EPHA6: variants seen among roughly 807,000 people sequenced by gnomAD.
EPHA6 encodes ephrin type-A receptor 6.
EPHA6 carries 50 observed loss-of-function variants against 112.0 expected under a neutral mutation model. The observed-to-expected ratio is 0.45, with a 90% CI of 0.36 to 0.56. The LOEUF (loss-of-function observed/expected upper bound fraction) is 0.56. Ranked by LOEUF, EPHA6 falls within the 20% of genes least tolerant of loss-of-function variation. The probability of loss-of-function intolerance (pLI) is 0.00; values close to 1 mark genes in which losing one functional copy is unlikely to be tolerated. For missense variants in EPHA6, 1,280 were observed against 1,417.4 expected (o/e 0.90, Z 1.56); for synonymous variants, 529 against 490.7 (o/e 1.08, Z -1.03).
chr3:97,102,008 G>T (rs999663069), intron 3 of EPHA6, among the ~76,000 whole-genome samples: 1 of 151,932 alleles, frequency 6.6e-6, no homozygotes, highest in African/African-American at 2.4e-5. Flanking sequence ...CAACTTACTC[G>T]ATCAGTGAAA....
chr3:97,253,110 CAA>C (rs1182570491), intron 5 of EPHA6, among the ~76,000 whole-genome samples: 4 of 151,948 alleles, frequency 2.6e-5, no homozygotes, highest in Non-Finnish European at 5.9e-5. Flanking sequence ...TGAAAAAAAA[CAA>C]AATTAAATAT....
intron 13 of EPHA6, among the ~76,000 whole-genome samples, chr3:97,623,343 C>T (rs1421379446): frequency 6.6e-6 from 1 of 151,750 alleles, no homozygotes; most frequent in Non-Finnish European, 1.5e-5. Flanking sequence ...TTCCTAGCAT[C>T]ATTTATTGAA....
At chr3:97,624,078 G>A (rs765626865) in intron 13 of EPHA6, among the ~76,000 whole-genome samples, 53 of 151,730 alleles carry the variant, frequency 3.5e-4, no homozygotes, top group Non-Finnish European at 6.2e-4. Flanking sequence ...ATGTTGAATC[G>A]AAGTTGTGAA....
At chr3:97,221,693 T>C (rs2078205675) in intron 3 of EPHA6, among the ~76,000 whole-genome samples, 1 of 152,170 alleles carries the variant, frequency 6.6e-6, no homozygotes, top group Non-Finnish European at 1.5e-5. Flanking sequence ...TGTTCGGTAT[T>C]AGCATTCACC....
intron 1 of EPHA6, among the ~76,000 whole-genome samples, chr3:96,853,635 A>G (rs1317191573): frequency 1.3e-5 from 2 of 152,064 alleles, no homozygotes; most frequent in Non-Finnish European, 2.9e-5. Flanking sequence ...AAGAAAACTA[A>G]TATGAATACA....
chr3:97,684,045 C>T (rs777000613), intron 14 of EPHA6, among the ~76,000 whole-genome samples: 10 of 152,054 alleles, frequency 6.6e-5, no homozygotes, highest in Non-Finnish European at 1.3e-4. Context: ...GGTGAATGTT[C>T]ATTAGATGGA....
At chr3:97,084,012 A>G (rs2046807023) in intron 3 of EPHA6, among the ~76,000 whole-genome samples, 1 of 150,008 alleles carries the variant, frequency 6.7e-6, no homozygotes, top group South Asian at 2.1e-4. Context: ...TGCATGTCAA[A>G]CCCTTAAAAT....
chr3:97,625,070 T>C (rs1275995201), intron 13 of EPHA6, among the ~76,000 whole-genome samples: 1 of 151,552 alleles, frequency 6.6e-6, no homozygotes, highest in Non-Finnish European at 1.5e-5. Context: ...AATATTTATT[T>C]CCTTATTTTT....
At chr3:96,906,160 T>A (rs549166961) in intron 2 of EPHA6, among the ~76,000 whole-genome samples, 2 of 152,206 alleles carry the variant, frequency 1.3e-5, no homozygotes, top group East Asian at 3.9e-4. Flanking sequence ...CCATATTCTT[T>A]TATCAAGAAA....
chr3:97,124,121 A>G (rs2048116969), intron 3 of EPHA6, among the ~76,000 whole-genome samples: 1 of 152,142 alleles, frequency 6.6e-6, no homozygotes, highest in South Asian at 2.1e-4. Flanking sequence ...GGAAGCAAGG[A>G]AACAGGATGG....
At chr3:97,250,971 A>G (rs1487283409) in intron 5 of EPHA6, among the ~76,000 whole-genome samples, 1 of 151,658 alleles carries the variant, frequency 6.6e-6, no homozygotes, top group Non-Finnish European at 1.5e-5. Flanking sequence ...GGTTCAGACA[A>G]TTCTCTGCCT....
At chr3:97,433,673 A>G (rs943999773) in intron 6 of EPHA6, among the ~76,000 whole-genome samples, 4 of 152,158 alleles carry the variant, frequency 2.6e-5, no homozygotes, top group African/African-American at 4.8e-5. Flanking sequence ...ATGTATATCA[A>G]ATATATCCCA....
intron 5 of EPHA6, among the ~76,000 whole-genome samples, chr3:97,367,617 T>C (rs2084813098): frequency 6.6e-6 from 1 of 152,046 alleles, no homozygotes; most frequent in Admixed American, 6.6e-5. Flanking sequence ...ATAAGCCCTG[T>C]GGTTCCCCTA....
intron 4 of EPHA6, among the ~76,000 whole-genome samples, chr3:97,235,024 A>G (rs937508261): frequency 1.3e-5 from 2 of 152,066 alleles, no homozygotes; most frequent in Non-Finnish European, 2.9e-5. Flanking sequence ...TCTACTTGAA[A>G]TGCTCCTTCC....
chr3:96,854,613 T>G (rs925635244), intron 1 of EPHA6, among the ~76,000 whole-genome samples: 9 of 152,114 alleles, frequency 5.9e-5, no homozygotes, highest in Non-Finnish European at 1.0e-4. Flanking sequence ...TATGTATATG[T>G]GTGTGTGTAA....
intron 5 of EPHA6, among the ~76,000 whole-genome samples, chr3:97,313,219 T>A (rs1399178080): frequency 6.6e-6 from 1 of 151,418 alleles, no homozygotes; most frequent in Non-Finnish European, 1.5e-5. Flanking sequence ...CCTCCAGTTC[T>A]AATTATCTTC....
chr3:97,695,515 G>C (rs947151597), intron 14 of EPHA6, among the ~76,000 whole-genome samples: 4 of 152,122 alleles, frequency 2.6e-5, no homozygotes, highest in Non-Finnish European at 5.9e-5. Context: ...AAGACCACCG[G>C]TTATGCTATA....
At chr3:96,948,559 C>T (rs1372769150) in intron 2 of EPHA6, among the ~76,000 whole-genome samples, 1 of 152,068 alleles carries the variant, frequency 6.6e-6, no homozygotes, top group African/African-American at 2.4e-5. Flanking sequence ...AATGTAATTA[C>T]ACTTTGATTA....
At chr3:97,033,127 G>T (rs1454146466) in intron 3 of EPHA6, among the ~76,000 whole-genome samples, 1 of 151,934 alleles carries the variant, frequency 6.6e-6, no homozygotes, top group Admixed American at 6.6e-5. Context: ...TGAGCAAGCG[G>T]TATTATGAGG....
Sources: gnomAD v4.1 joint callset for allele counts (sites outside exome capture counted in the v4.1 genomes callset) on GRCh38, gnomAD v4.1.1 for gene constraint, MANE v1.5 for transcripts, NCBI Gene and HGNC (gene_info 2026-07-23, HGNC 2026-07-21) for gene names.